ARID3A: variants seen among roughly 807,000 people sequenced by gnomAD.
The protein encoded by ARID3A is AT-rich interaction domain 3A, also known as AT-rich interactive domain-containing protein 3A.
In ARID3A, 11 loss-of-function variants were observed where a neutral mutation model predicts 52.7. That is an observed-to-expected ratio of 0.21 (90% CI 0.13 to 0.35). The LOEUF is 0.35. Ranked by LOEUF, ARID3A falls within the 10% of genes least tolerant of loss-of-function variation. ARID3A has a pLI of 1.00. For missense variants in ARID3A, 721 were observed against 838.5 expected, an observed-to-expected ratio of 0.86 and a Z score of 1.73; for synonymous variants, 404 against 359.4, an observed-to-expected ratio of 1.12 and a Z score of -1.40.
intron 3 of ARID3A, among the ~76,000 whole-genome samples, chr19:939,943 G>T (rs1408362503): frequency 6.6e-6 from 1 of 152,154 alleles, no homozygotes; most frequent in African/African-American, 2.4e-5. Context: ...GACAGAGCTG[G>T]ATGTGAAGGT....
At chr19:966,142 C>A (rs1363286510) in intron 6 of ARID3A, among the ~76,000 whole-genome samples, 1 of 148,636 alleles carries the variant, frequency 6.7e-6, no homozygotes, top group Non-Finnish European at 1.5e-5. Context: ...GCCTAAGCAA[C>A]AGAGCGAGAC....
At position 942,819 on chromosome 19, in the gene ARID3A, A is replaced by T. The variant is rs1324230679; in HGVS notation, c.693+10077A>T. Among the ~76,000 whole-genome samples the T allele has an allele frequency of 2.0e-5, 3 of 152,046 alleles. No homozygotes were observed. Among genetic ancestry groups the T allele is most frequent in the Non-Finnish European group, 2.9e-5 (2 of 67,990 alleles). On this transcript the variant is annotated intron_variant, in intron 3 of 8. Coordinates refer to ENST00000263620, the MANE Select transcript of ARID3A (RefSeq NM_005224.3). This position sits in a 1 kb window ranked among gnomAD's most constrained non-coding sequence, Gnocchi z 8.1. The stretch of plus-strand genomic sequence containing the variant: ...ACGGAGAACGTGAGAGCAAGTAAGA[A>T]CCCGCCTTCCGGGAGGAGCCCCGTC...
chr19:971,882 T>C lies in ARID3A; in HGVS notation c.1599T>C (p.Val533=). 1 of 1,601,068 alleles carries C rather than the reference T, an allele frequency of 6.2e-7. No individual in the cohort carries two copies. The highest frequency in any genetic ancestry group is 8.5e-7 in the Non-Finnish European group (1 of 1,174,076). ...TGTCTTCTGTTCTTGCCTTAGGAGT[T>C]CTGTTTGCTCAGCCGCCGGCCCCCA... ...VEINGIMYTG[V]LFAQPPAPTP... The change falls in exon 9 of 9, where the codon GTT becomes GTC. Residue 533 remains valine, a synonymous_variant. Coordinates refer to ENST00000263620, the MANE Select transcript of ARID3A (RefSeq NM_005224.3).
intron 2 of ARID3A, among the ~76,000 whole-genome samples, chr19:931,451 C>CA (rs768315126): frequency 1.9e-3 from 152 of 79,402 alleles, no homozygotes; most frequent in Middle Eastern, 0.018. Context: ...GACTGTGTCT[C>CA]AAAAAAAAAA....
intron 2 of ARID3A, among the ~76,000 whole-genome samples, chr19:930,715 T>TTC (rs2037306502): frequency 6.6e-6 from 1 of 150,630 alleles, no homozygotes; most frequent in South Asian, 2.1e-4. Flanking sequence ...TTCACCATGT[T>TTC]AGCCAAGATG....
intron 8 of ARID3A, among the ~76,000 whole-genome samples, chr19:971,601 G>A (rs1187191402): frequency 6.6e-5 from 10 of 152,144 alleles, no homozygotes; most frequent in Admixed American, 3.9e-4. Context: ...GCGACAGAGC[G>A]AGACACCATC....
Position 960,009 on chromosome 19 carries a change from A to G in ARID3A, c.694-83A>G. The G allele has an allele frequency of 9.5e-6, 12 of 1,259,220 alleles. 1 individual carries two copies. Among genetic ancestry groups the G allele is most frequent in the Non-Finnish European group, 1.4e-5 (12 of 886,244 alleles). The allele number at this position is 1,259,220 out of a possible 1,614,324, so 78.0% of individuals were successfully genotyped here. A position where few individuals can be genotyped will look rare whatever the true frequency, so the allele number is the denominator to read the frequency against. On this transcript the variant is annotated intron_variant, in intron 3 of 8. Coordinates refer to ENST00000263620, the MANE Select transcript of ARID3A (RefSeq NM_005224.3). This position sits in a 1 kb window ranked among gnomAD's most constrained non-coding sequence, Gnocchi z 4.3. ...GGTGACCCCTGCTCCTGTCCTCCTG[A>G]CCTGGCCTCCAGTGCAGGAGGGACA...
chr19:937,353 G>C (rs1263836291), intron 3 of ARID3A, among the ~76,000 whole-genome samples: 1 of 152,182 alleles, frequency 6.6e-6, no homozygotes, highest in African/African-American at 2.4e-5. Flanking sequence ...CGTCCTCCAG[G>C]TGCATCAGCA....
rs530998377 is a variant in ARID3A at position 941,087 on chromosome 19, C to T, written c.693+8345C>T. Among the ~76,000 whole-genome samples, 29 of 152,260 alleles carry T rather than the reference C, an allele frequency of 1.9e-4. No homozygotes were observed. Among genetic ancestry groups the T allele is most frequent in the African/African-American group, 6.3e-4 (26 of 41,570 alleles). On this transcript the variant is annotated intron_variant, in intron 3 of 8. Coordinates refer to ENST00000263620, the MANE Select transcript of ARID3A (RefSeq NM_005224.3). The surrounding 1 kb of genome is among the most constrained non-coding windows in gnomAD (Gnocchi z 6.9). ...CGCGGCCTGGCCCCACGCCCACCGC[C>T]GGCGTCCCACCCTGGTGGCTGCTGC...
At chr19:936,493 G>C (rs2037441555) in intron 3 of ARID3A, among the ~76,000 whole-genome samples, 1 of 151,964 alleles carries the variant, frequency 6.6e-6, no homozygotes, top group Non-Finnish European at 1.5e-5. Context: ...GCAGTGAGCC[G>C]TGATCGCGCC....
rs1021901210 is a variant in ARID3A, at chr19:949,400, G to A, written c.694-10692G>A. Among the ~76,000 whole-genome samples, 162 of 152,290 alleles carry A rather than the reference G, an allele frequency of 1.1e-3. 2 individuals carry two copies. The highest frequency in any genetic ancestry group is 4.1e-4 in the South Asian group (2 of 4,828). ...AGGATCATCAGGCCTCCGGGAGGGGGTGGGGGGCTGGGGGTGCTGTCAGTG... is the reference window on the plus strand; with the variant it reads ...AGGATCATCAGGCCTCCGGGAGGGGATGGGGGGCTGGGGGTGCTGTCAGTG... On this transcript the variant is annotated intron_variant, in intron 3 of 8. Coordinates refer to ENST00000263620, the MANE Select transcript of ARID3A (RefSeq NM_005224.3).
In ARID3A at chr19:942,222, T is replaced by C. The variant is rs2037571997; in HGVS notation, c.693+9480T>C. 6.6e-6 allele frequency among the ~76,000 whole-genome samples: 1 copy of C among 152,140 alleles called. No individual in the cohort carries two copies. On this transcript the variant is annotated intron_variant, in intron 3 of 8. Coordinates refer to ENST00000263620, the MANE Select transcript of ARID3A (RefSeq NM_005224.3). This position sits in a 1 kb window ranked among gnomAD's most constrained non-coding sequence, Gnocchi z 8.1. ...CTGCCGGCAGAGCCCTGTCCACTCT[T>C]GCCTCAGTTTCCCTGCTGGACACAA...
At chr19:943,604 A>C (rs2037605179) in intron 3 of ARID3A, among the ~76,000 whole-genome samples, 1 of 152,020 alleles carries the variant, frequency 6.6e-6, no homozygotes. Context: ...AAATTTGGAC[A>C]CGGACACGTA....
At chr19:943,423 C>T (rs1035338823) in intron 3 of ARID3A, among the ~76,000 whole-genome samples, 1 of 151,880 alleles carries the variant, frequency 6.6e-6, no homozygotes, top group Non-Finnish European at 1.5e-5. Context: ...ACAAAATTAG[C>T]CGGGCGTGGT....
rs1019560008 is a variant in ARID3A at position 932,530 on chromosome 19, C to T, written c.481C>T (p.Pro161Ser). 2.0e-6 allele frequency: 3 copies of T among 1,521,452 alleles called. No homozygotes were observed. Among genetic ancestry groups the T allele is most frequent in the Non-Finnish European group, 2.6e-6 (3 of 1,138,872 alleles). The allele number at this position is 1,521,452 out of a possible 1,614,324, so 94.2% of individuals were successfully genotyped here. The change falls in exon 3 of 9, where the codon CCC (proline) becomes TCC (serine). Residue 161 changes from proline (P) to serine (S), a missense_variant. By Grantham distance (74) the Pro-to-Ser change is moderately conservative. Around this residue, in one of 5 missense-constraint regions of ARID3A, gnomAD observed 349 missense variants for 297.3 expected, o/e 1.17. Transcript: ENST00000263620. ...GGAGGAGGACGAGGAGGGGCTGGGCCCCCCAGGCCCTGCCAGCTTGGGCAC... is the reference window on the plus strand; with the variant it reads ...GGAGGAGGACGAGGAGGGGCTGGGCTCCCCAGGCCCTGCCAGCTTGGGCAC... ...EEEEDEEGLGPPGPASLGTTA... is the reference protein window; with the variant it reads ...EEEEDEEGLGSPGPASLGTTA...
chr19:933,055 C>T lies in ARID3A; in HGVS notation c.693+313C>T, dbSNP rs377730063. On this transcript the variant is annotated intron_variant, in intron 3 of 8. Coordinates refer to ENST00000263620, the MANE Select transcript of ARID3A (RefSeq NM_005224.3). ...GGGCCTGGGAGGGAGAGGCTGGCGCCGGCCCGAGCTGGGCTTGGGTTGGAG... is the reference window on the plus strand; with the variant it reads ...GGGCCTGGGAGGGAGAGGCTGGCGCTGGCCCGAGCTGGGCTTGGGTTGGAG... Among the ~76,000 whole-genome samples, 1,016 of 152,138 alleles carry T rather than the reference C, an allele frequency of 6.7e-3. 5 individuals are homozygous for T. The highest frequency in any genetic ancestry group is 0.023 in the African/African-American group (954 of 41,532).
At position 968,434 on chromosome 19, in the gene ARID3A, A is replaced by G; in HGVS notation, c.1525A>G (p.Asn509Asp). ...CGAAAGCCGCCAGGACTCTGCTGTG[A>G]ACCTGACGGGCACCAACGGCAGCAA... is the stretch of plus-strand genomic sequence containing the variant. ...ASESRQDSAV[N>D]LTGTNGSNSI... Residue 509 changes from asparagine (N) to aspartate (D), a missense_variant, in exon 8 of 9, where the codon AAC (asparagine) becomes GAC (aspartate). Asn to Asp is a conservative substitution (Grantham distance 23). Around this residue, in one of 5 missense-constraint regions of ARID3A, gnomAD observed 297 missense variants for 343.2 expected, o/e 0.87. Transcript: ENST00000263620. The G allele has an allele frequency of 6.2e-7, 1 of 1,614,078 alleles. No individual in the cohort carries two copies. Among genetic ancestry groups the G allele is most frequent in the Non-Finnish European group, 8.5e-7 (1 of 1,179,964 alleles).
chr19:960,246 C>G lies in ARID3A; in HGVS notation c.766+82C>G. The G allele has an allele frequency of 7.4e-7, 1 of 1,354,646 alleles. No individual in the cohort carries two copies. Among genetic ancestry groups the G allele is most frequent in the Non-Finnish European group, 1.0e-6 (1 of 984,410 alleles). The allele number at this position is 1,354,646 out of a possible 1,614,324, so 83.9% of individuals were successfully genotyped here. On this transcript the variant is annotated intron_variant, in intron 4 of 8. Coordinates refer to ENST00000263620, the MANE Select transcript of ARID3A (RefSeq NM_005224.3). The surrounding 1 kb of genome is among the most constrained non-coding windows in gnomAD (Gnocchi z 4.3). ...GGGGCCCTACTGGCTCCAGGTATGT[C>G]GGGGCGGTGGTGAGCACCCCGTGGC...
At chr19:951,066 C>T (rs1354947555) in intron 3 of ARID3A, among the ~76,000 whole-genome samples, 3 of 151,874 alleles carry the variant, frequency 2.0e-5, no homozygotes, top group Non-Finnish European at 4.4e-5. Flanking sequence ...AGGTGATCCG[C>T]CCGCCTCAGC....
Sources: gnomAD v4.1 joint callset for allele counts (sites outside exome capture counted in the v4.1 genomes callset) on GRCh38, gnomAD v4.1.1 for gene constraint, gnomAD v4.1.1 regional missense constraint, Gnocchi (gnomAD v3.1) non-coding constraint, MANE v1.5 for transcripts, NCBI Gene and HGNC (gene_info 2026-07-23, HGNC 2026-07-21) for gene names.